Variants in OPCML observed in about 807,000 individuals in gnomAD.
OPCML encodes opioid binding protein/cell adhesion molecule like.
A neutral mutation model predicts 37.8 loss-of-function variants in OPCML; 13 were observed. The ratio of observed to expected loss-of-function variants is 0.34; its 90% CI spans 0.22 to 0.55. The LOEUF (loss-of-function observed/expected upper bound fraction) is 0.55, where lower values mean the gene tolerates loss of function less well. Among genes scored for constraint, OPCML ranks in the 20% least tolerant of loss-of-function variants. OPCML has a pLI of 0.91. For missense variants in OPCML, 341 were observed against 435.6 expected, an observed-to-expected ratio of 0.78 and a Z score of 1.93; for synonymous variants, 176 against 168.8, an observed-to-expected ratio of 1.04 and a Z score of -0.33.
At chr11:133,432,702 C>T (rs1033758857) in intron 1 of OPCML, among the ~76,000 whole-genome samples, 3 of 152,162 alleles carry the variant, frequency 2.0e-5, no homozygotes, top group Non-Finnish European at 2.9e-5. Context: ...TTGTCTTTGA[C>T]ATTTTCCATT....
chr11:132,561,231 C>T (rs2096409986), intron 3 of OPCML, among the ~76,000 whole-genome samples: 2 of 152,216 alleles, frequency 1.3e-5, no homozygotes, highest in Admixed American at 1.3e-4. Context: ...CTTAAGTGAA[C>T]TACTCCAACT....
At chr11:133,092,951 A>G (rs1052142980) in intron 1 of OPCML, among the ~76,000 whole-genome samples, 6 of 152,134 alleles carry the variant, frequency 3.9e-5, no homozygotes, top group East Asian at 1.9e-4. Flanking sequence ...TAGTTTGCCT[A>G]TAAGAGATAT....
intron 2 of OPCML, among the ~76,000 whole-genome samples, chr11:132,673,673 G>A (rs941961748): frequency 6.6e-6 from 1 of 152,038 alleles, no homozygotes; most frequent in Non-Finnish European, 1.5e-5. Flanking sequence ...ATTGAGTATT[G>A]GAAACTACAC....
At chr11:132,805,451 T>C (rs1195862055) in intron 2 of OPCML, among the ~76,000 whole-genome samples, 1 of 152,106 alleles carries the variant, frequency 6.6e-6, no homozygotes, top group African/African-American at 2.4e-5. Context: ...ATCCCAGAAG[T>C]CCAGCAAACA....
intron 2 of OPCML, among the ~76,000 whole-genome samples, chr11:132,820,102 T>TGAATGAAA (rs1555193924): frequency 4.5e-4 from 59 of 131,496 alleles, no homozygotes; most frequent in African/African-American, 1.5e-3. Context: ...AATGAATGAA[T>TGAATGAAA]GAAAGAAACC....
rs955176154 is a variant in OPCML, at chr11:133,317,265, G to A, written c.61+214999C>T. Among the ~76,000 whole-genome samples, 6 of 152,022 alleles carry A rather than the reference G, an allele frequency of 3.9e-5. No individual in the cohort carries two copies. In the South Asian group the frequency reaches 6.2e-4, roughly 16 times the overall value. ...ACAGACTATACCATCATTATTCTAC[G>A]ATCCTCTAAGAAAGAAAAAAATACT... On this transcript the variant is annotated intron_variant, in intron 1 of 7. Coordinates refer to ENST00000524381, the MANE Select transcript of OPCML (RefSeq NM_001012393.5).
At chr11:132,494,822 C>T (rs1005005750) in intron 4 of OPCML, among the ~76,000 whole-genome samples, 1 of 152,182 alleles carries the variant, frequency 6.6e-6, no homozygotes, top group African/African-American at 2.4e-5. Flanking sequence ...CCAGAGGTGT[C>T]CCATGGGAAT....
intron 1 of OPCML, among the ~76,000 whole-genome samples, chr11:133,351,600 T>G (rs1944138300): frequency 6.6e-6 from 1 of 152,150 alleles, no homozygotes; most frequent in Non-Finnish European, 1.5e-5. Flanking sequence ...GGTCTTCCAG[T>G]CTCCTGTTTG....
At chr11:133,471,317 G>A (rs970226048) in intron 1 of OPCML, among the ~76,000 whole-genome samples, 5 of 152,200 alleles carry the variant, frequency 3.3e-5, no homozygotes, top group African/African-American at 1.2e-4. Context: ...ATGTAAAATA[G>A]AGTGAAGAAG....
At chr11:132,510,364 G>C (rs377256397) in intron 4 of OPCML, among the ~76,000 whole-genome samples, 3 of 152,066 alleles carry the variant, frequency 2.0e-5, no homozygotes, top group Admixed American at 6.5e-5. Flanking sequence ...AAGACTTTGG[G>C]GGACTGTTGG....
At chr11:132,549,975 G>A (rs1250373794) in intron 3 of OPCML, among the ~76,000 whole-genome samples, 3 of 152,056 alleles carry the variant, frequency 2.0e-5, no homozygotes, top group Admixed American at 6.6e-5. Context: ...CCTGGTGCTC[G>A]ATAACAAACC....
At chr11:132,643,562 A>C (rs1940980878) in intron 3 of OPCML, among the ~76,000 whole-genome samples, 1 of 151,978 alleles carries the variant, frequency 6.6e-6, no homozygotes, top group Non-Finnish European at 1.5e-5. Flanking sequence ...TTGACTCTCG[A>C]CCTTCCTCTG....
intron 2 of OPCML, among the ~76,000 whole-genome samples, chr11:132,938,449 C>T (rs564250196): frequency 1.6e-4 from 25 of 152,134 alleles, no homozygotes; most frequent in East Asian, 5.8e-4. Context: ...AGAGGAAGAA[C>T]GAGATGGAGC....
chr11:132,801,764 G>A (rs921959271), intron 2 of OPCML, among the ~76,000 whole-genome samples: 7 of 152,110 alleles, frequency 4.6e-5, no homozygotes, highest in Admixed American at 1.3e-4. Flanking sequence ...TCTATTCTCC[G>A]AGCTCTAGGC....
Position 132,935,852 on chromosome 11 carries a change from C to T in OPCML, c.146+7074G>A, listed in dbSNP as rs182849921. Among the ~76,000 whole-genome samples, 163 of 152,288 alleles carry T rather than the reference C, an allele frequency of 1.1e-3. 1 individual carries two copies. Among genetic ancestry groups the T allele is most frequent in the Admixed American group, 5.9e-4 (9 of 15,300 alleles). ...TGGTATCACTCATTTCTTCACAGGT[C>T]TCATTGTTGGGTTCTTACCAAGAAG... On this transcript the variant is annotated intron_variant, in intron 2 of 7. Transcript: ENST00000524381.
intron 2 of OPCML, among the ~76,000 whole-genome samples, chr11:132,676,244 A>G (rs1027386687): frequency 6.6e-6 from 1 of 152,184 alleles, no homozygotes; most frequent in Non-Finnish European, 1.5e-5. Flanking sequence ...TCCACACACA[A>G]TTGAATACAG....
intron 1 of OPCML, among the ~76,000 whole-genome samples, chr11:133,060,837 A>G (rs1274637222): frequency 6.6e-6 from 1 of 152,228 alleles, no homozygotes; most frequent in Non-Finnish European, 1.5e-5. Context: ...AGGCTCACCA[A>G]ACCCTACGTG....
At position 132,830,840 on chromosome 11, in the gene OPCML, T is replaced by G. The variant is rs7945736; in HGVS notation, c.146+112086A>C. On this transcript the variant is annotated intron_variant, in intron 2 of 7. Coordinates refer to ENST00000524381, the MANE Select transcript of OPCML (RefSeq NM_001012393.5). Reference sequence around the variant, plus strand: ...TGAAAAGGGGAAATATGTTTTAATATAAAACTACAAGGGAATGCATCTCTT... The same window carrying G: ...TGAAAAGGGGAAATATGTTTTAATAGAAAACTACAAGGGAATGCATCTCTT... Among the ~76,000 whole-genome samples, 378 of 152,288 alleles carry G rather than the reference T, an allele frequency of 2.5e-3. 1 individual carries two copies. Among genetic ancestry groups the G allele is most frequent in the African/African-American group, 8.8e-3 (365 of 41,550 alleles).
intron 3 of OPCML, among the ~76,000 whole-genome samples, chr11:132,610,249 A>G (rs1166296735): frequency 1.3e-5 from 2 of 152,142 alleles, no homozygotes; most frequent in African/African-American, 4.8e-5. Context: ...TTACATCTAG[A>G]GGGATTACTC....
Sources: gnomAD v4.1 joint callset for allele counts (sites outside exome capture counted in the v4.1 genomes callset) on GRCh38, gnomAD v4.1.1 for gene constraint, MANE v1.5 for transcripts, NCBI Gene and HGNC (gene_info 2026-07-23, HGNC 2026-07-21) for gene names.